RC3H1: variants seen among roughly 807,000 people sequenced by gnomAD.
The protein encoded by RC3H1 is roquin-1.
Under a neutral mutation model 138.2 loss-of-function variants are expected in RC3H1, and 50 were observed. The ratio of observed to expected loss-of-function variants is 0.36; its 90% confidence interval spans 0.29 to 0.46. The LOEUF (loss-of-function observed/expected upper bound fraction) is 0.46, where lower values mean the gene tolerates loss of function less well. Among genes scored for constraint, RC3H1 ranks in the 20% least tolerant of loss-of-function variants. The pLI is 1.00. For missense variants in RC3H1, 1,031 were observed against 1,388.1 expected, an observed-to-expected ratio of 0.74 and a Z score of 4.09; for synonymous variants, 462 against 489.1, an observed-to-expected ratio of 0.94 and a Z score of 0.73.
At chr1:173,968,325 G>A (rs1311234262) in intron 9 of RC3H1, among the ~76,000 whole-genome samples, 1 of 151,908 alleles carries the variant, frequency 6.6e-6, no homozygotes, top group African/African-American at 2.4e-5. Context: ...ATTTAAATTC[G>A]GATTTCTTGG....
At chr1:173,943,074 T>A (rs1658975060) in intron 18 of RC3H1, among the ~76,000 whole-genome samples, 1 of 152,200 alleles carries the variant, frequency 6.6e-6, no homozygotes, top group African/African-American at 2.4e-5. Flanking sequence ...AGAATGTTAT[T>A]TGGTGAATAC....
chr1:173,968,406 C>T (rs1375052670), intron 9 of RC3H1, among the ~76,000 whole-genome samples: 1 of 152,108 alleles, frequency 6.6e-6, no homozygotes, highest in Non-Finnish European at 1.5e-5. Context: ...TATATTTACT[C>T]AATATTTCTC....
In RC3H1 at chr1:173,961,773, G is replaced by GT; in HGVS notation, c.2153dup (p.Tyr718Ter). The GT allele has an allele frequency of 6.2e-7, 1 of 1,613,004 alleles. No homozygotes were observed. Among genetic ancestry groups the GT allele is most frequent in the East Asian group, 2.2e-5 (1 of 44,886 alleles). The change falls in exon 12 of 20, where the codon TAC becomes TAAC. Residue 718 changes from tyrosine (Y) to a stop codon, truncating the protein, a stop_gained and frameshift_variant. Coordinates refer to ENST00000367696, the MANE Select transcript of RC3H1 (RefSeq NM_172071.4). LOFTEE classifies it high-confidence loss of function. Reference sequence around the variant, plus strand: ...GAGTTGGATGAGGAGCCACTGGATAGTAACTCTCGATCTGTTGGTATCTTT... The same window carrying GT: ...GAGTTGGATGAGGAGCCACTGGATAGTTAACTCTCGATCTGTTGGTATCTTT... ...SRERYQQIES[Y>*]YPVAPHPTQI...
chr1:173,991,152 C>T (rs1661272006), intron 2 of RC3H1, among the ~76,000 whole-genome samples: 1 of 152,150 alleles, frequency 6.6e-6, no homozygotes, highest in South Asian at 2.1e-4. Context: ...ATCACTTGAA[C>T]TTGAGAGGCA....
chr1:173,961,854 A>G lies in RC3H1; in HGVS notation c.2073T>C (p.Pro691=), dbSNP rs769831664. The part of the protein sequence containing the change: ...YTREEIFRES[P]IPIEIPPAAV... ...CTGCAGGTGGAATCTCAATGGGTAT[A>G]GGGCTTTCTCGGAATATCTCTTCTC... Residue 691 remains proline, a synonymous_variant, in exon 12 of 20, where the codon CCT becomes CCC. Transcript: ENST00000367696. 1.2e-6 allele frequency: 2 copies of G among 1,614,024 alleles called. No individual in the cohort carries two copies. Among genetic ancestry groups the G allele is most frequent in the African/African-American group, 1.3e-5 (1 of 74,922 alleles).
chr1:174,022,145 TCGCCACCGCCGCGGCAGC>T lies in RC3H1; in HGVS notation c.-218_-201del, dbSNP rs1222668139. ...TCTCAGCTCCGAGTCCCCGCGGCCG[TCGCCACCGCCGCGGCAGC>T]CGCCGCCGCCGCCGAGGCCACCGTT... is the stretch of plus-strand genomic sequence containing the variant. On this transcript the variant is annotated 5_prime_UTR_variant, in exon 1 of 20. Coordinates refer to ENST00000367696, the MANE Select transcript of RC3H1 (RefSeq NM_172071.4). This position sits in a 1 kb window ranked among gnomAD's most constrained non-coding sequence, Gnocchi z 4.2. 3.3e-5 allele frequency: 13 copies of T among 395,914 alleles called. No individual in the cohort carries two copies. The highest frequency in any genetic ancestry group is 2.5e-4 in the South Asian group (2 of 7,864). 24.5% of individuals were successfully genotyped at this position (395,914 alleles called of 1,614,324 possible).
chr1:173,950,410 T>A, intron 14 of RC3H1, among the ~76,000 whole-genome samples: 1 of 95,678 alleles, frequency 1.0e-5, no homozygotes, highest in African/African-American at 5.1e-5. Context: ...TAGCAAGACC[T>A]CATCTCTACC....
chr1:173,978,591 ACT>A lies in RC3H1; in HGVS notation c.997_998del (p.Ser333CysfsTer31). 1 of 1,613,920 alleles carries A rather than the reference ACT, an allele frequency of 6.2e-7. No homozygotes were observed. Among genetic ancestry groups the A allele is most frequent in the Non-Finnish European group, 8.5e-7 (1 of 1,179,876 alleles). On this transcript the variant is annotated frameshift_variant, in exon 7 of 20. Transcript: ENST00000367696. LOFTEE classifies it high-confidence loss of function. ...GGAGAGCAATTGTTAGTTCCTGAAC[ACT>A]CTGTGCAAAAGAGGCTGGAGTCTGC... ...KLQTPASFAQ[S>X]VQELTIALQR...
chr1:174,021,840 C>G (rs1661968710), intron 1 of RC3H1, among the ~76,000 whole-genome samples: 2 of 152,234 alleles, frequency 1.3e-5, no homozygotes, highest in Admixed American at 1.3e-4. Flanking sequence ...TCGTCCTCCT[C>G]TCGGCCTACC....
chr1:174,017,084 G>A (rs1005586948), intron 1 of RC3H1, among the ~76,000 whole-genome samples: 2 of 152,152 alleles, frequency 1.3e-5, no homozygotes, highest in African/African-American at 2.4e-5. Flanking sequence ...TAGTCATAAA[G>A]TTAGATTCAC....
At chr1:173,985,335 TTTA>T (rs1660982254) in intron 2 of RC3H1, among the ~76,000 whole-genome samples, 1 of 152,206 alleles carries the variant, frequency 6.6e-6, no homozygotes, top group Admixed American at 6.5e-5. Context: ...GGAGTCTGTA[TTTA>T]ACCTTTTGAA....
intron 13 of RC3H1, 116 bp downstream of exon 13, chr1:173,960,961 C>T (rs568076349): frequency 4.1e-6 from 4 of 983,126 alleles, no homozygotes; most frequent in African/African-American, 3.3e-5. Flanking sequence ...GATAAAAAAC[C>T]TTTCAGAGGA....
intron 17 of RC3H1, among the ~76,000 whole-genome samples, chr1:173,943,869 G>A (rs1053737238): frequency 1.3e-5 from 2 of 152,116 alleles, no homozygotes; most frequent in African/African-American, 4.8e-5. Context: ...TGATTTGAAA[G>A]AGAAGTTGGC....
chr1:173,937,392 GA>G lies in RC3H1; in HGVS notation c.*1328del, dbSNP rs11299816. The G allele has an allele frequency of 0.29, 43,934 of 152,070 alleles. 11,358 individuals are homozygous for G. Among genetic ancestry groups the G allele is most frequent in the African/African-American group, 0.7 (28,911 of 41,362 alleles). 9.4% of individuals were successfully genotyped at this position (152,070 alleles called of 1,614,324 possible). A position where few individuals can be genotyped will look rare whatever the true frequency, so the allele number is the denominator to read the frequency against. ...GTAGTAAAATACAGAAAGGGAAACT[GA>G]AAAAAATCAGGCAAATAGAGGAATG... On this transcript the variant is annotated 3_prime_UTR_variant, in exon 20 of 20. Transcript: ENST00000367696.
intron 15 of RC3H1, 24 bp from the exon 16 acceptor site, chr1:173,946,860 G>C (rs528861524): frequency 6.9e-7 from 1 of 1,446,088 alleles, no homozygotes; most frequent in Admixed American, 1.7e-5. Context: ...ATTTATTATG[G>C]TATAATTCAC....
chr1:173,983,673 G>T lies in RC3H1; in HGVS notation c.353-16C>A. ...AGACCCACTCCTTTAAAAGAGTAAA[G>T]AAGTTATTCCTAGGTTCACAATGCA... On this transcript the variant is annotated splice_polypyrimidine_tract_variant and intron_variant, in intron 3 of 19. Transcript: ENST00000367696. 3 of 1,611,106 alleles carry T rather than the reference G, an allele frequency of 1.9e-6. 1 individual carries two copies. Among genetic ancestry groups the T allele is most frequent in the Non-Finnish European group, 8.5e-7 (1 of 1,178,330 alleles).
chr1:173,956,390 T>C (rs755680924), intron 13 of RC3H1, among the ~76,000 whole-genome samples: 3 of 152,128 alleles, frequency 2.0e-5, no homozygotes, highest in Non-Finnish European at 2.9e-5. Flanking sequence ...TCATTGCATA[T>C]TGTATATATG....
At chr1:173,960,279 G>A (rs571052461) in intron 13 of RC3H1, among the ~76,000 whole-genome samples, 1 of 151,788 alleles carries the variant, frequency 6.6e-6, no homozygotes, top group Non-Finnish European at 1.5e-5. Context: ...GACAGAGTGA[G>A]ACTCTGTCTC....
intron 1 of RC3H1, among the ~76,000 whole-genome samples, chr1:174,007,087 G>A (rs1014531963): frequency 2.0e-5 from 3 of 151,810 alleles, no homozygotes; most frequent in Non-Finnish European, 2.9e-5. Flanking sequence ...AGTTTTGCCC[G>A]GTTTAAAATT....
Sources: gnomAD v4.1 joint callset for allele counts (sites outside exome capture counted in the v4.1 genomes callset) on GRCh38, gnomAD v4.1.1 for gene constraint, Gnocchi (gnomAD v3.1) non-coding constraint, MANE v1.5 for transcripts, NCBI Gene and HGNC (gene_info 2026-07-23, HGNC 2026-07-21) for gene names.